Variants in SESN1 observed in about 807,000 individuals in gnomAD.
The protein encoded by SESN1 is sestrin 1, also known as sestrin-1.
In SESN1, 30 loss-of-function variants were observed where a neutral mutation model predicts 59.3. The ratio of observed to expected loss-of-function variants is 0.51; its 90% CI spans 0.38 to 0.69. SESN1 has a LOEUF of 0.69. SESN1 is among the 30% of genes least tolerant of loss of function. The pLI is 0.00. For missense variants in SESN1, 566 were observed against 673.0 expected, an observed-to-expected ratio of 0.84 and a Z score of 1.76; for synonymous variants, 197 against 219.9, an observed-to-expected ratio of 0.90 and a Z score of 0.92.
In SESN1 at chr6:109,060,106, CAT is replaced by C. The variant is rs531857513; in HGVS notation, c.279+33687_279+33688del. On this transcript the variant is annotated intron_variant, in intron 1 of 9. Coordinates refer to ENST00000436639, the MANE Select transcript of SESN1 (RefSeq NM_014454.3). The stretch of plus-strand genomic sequence containing the variant: ...TAACAAACAACAAAAAAGACAAACA[CAT>C]GTGTACACACACGTACACACACACA... Among the ~76,000 whole-genome samples the C allele has an allele frequency of 2.5e-4, 38 of 152,160 alleles. No individual in the cohort carries two copies. The East Asian group carries it at 3.5e-3, about 14-fold the overall frequency.
intron 1 of SESN1, among the ~76,000 whole-genome samples, chr6:109,036,590 G>T (rs1315529088): frequency 1.3e-5 from 2 of 152,174 alleles, no homozygotes; most frequent in African/African-American, 4.8e-5. Flanking sequence ...ACTGTGACAA[G>T]TAGTTCTTAA....
Position 108,998,752 on chromosome 6 carries a change from G to A in SESN1, c.733C>T (p.Leu245Phe). Residue 245 changes from leucine to phenylalanine, a missense_variant, in exon 5 of 10, where the codon CTT (leucine) becomes TTT (phenylalanine). Leu to Phe is a conservative substitution (Grantham distance 22). Coordinates refer to ENST00000436639, the MANE Select transcript of SESN1 (RefSeq NM_014454.3). ...CAGCTGTGCTCTTCAGCTTTTAAAA[G>A]TCCCTTAGGGGGAAAAAAAAAAAGA... ...WLITKEHIEGLLKAEEHSWSL... is the reference protein window; with the variant it reads ...WLITKEHIEGFLKAEEHSWSL... The A allele has an allele frequency of 6.2e-7, 1 of 1,603,280 alleles. No individual in the cohort carries two copies. The highest frequency in any genetic ancestry group is 8.5e-7 in the Non-Finnish European group (1 of 1,173,390).
chr6:109,058,406 C>T (rs1430259630), intron 1 of SESN1, among the ~76,000 whole-genome samples: 1 of 152,152 alleles, frequency 6.6e-6, no homozygotes, highest in Non-Finnish European at 1.5e-5. Flanking sequence ...CTAGGTTATA[C>T]CATATAGCCT....
intron 1 of SESN1, among the ~76,000 whole-genome samples, chr6:109,086,729 A>G (rs147298646): frequency 1.3e-3 from 200 of 151,994 alleles, no homozygotes; most frequent in African/African-American, 4.6e-3. Context: ...TCTTTGTACA[A>G]AATACTATAT....
chr6:108,986,838 C>T lies in SESN1; in HGVS notation c.*706G>A, dbSNP rs1043528717. 2.8e-4 allele frequency: 42 copies of T among 152,190 alleles called. No individual in the cohort carries two copies. Among genetic ancestry groups the T allele is most frequent in the African/African-American group, 9.4e-4 (39 of 41,442 alleles). 9.4% of individuals were successfully genotyped at this position (152,190 alleles called of 1,614,324 possible). A position where few individuals can be genotyped will look rare whatever the true frequency, so the allele number is the denominator to read the frequency against. On this transcript the variant is annotated 3_prime_UTR_variant, in exon 10 of 10. Transcript: ENST00000436639. ...TCGCCAGCTTCTTATAATTTACACA[C>T]TTTCATTTAGGATTGCTTTTTGAAG...
At chr6:108,993,999 G>T (rs1779447793) in intron 6 of SESN1, among the ~76,000 whole-genome samples, 1 of 151,936 alleles carries the variant, frequency 6.6e-6, no homozygotes, top group Non-Finnish European at 1.5e-5. Flanking sequence ...AATTAAGCAG[G>T]CATGGTGGCA....
In SESN1 at chr6:109,071,790, A is replaced by G. The variant is rs1308087768; in HGVS notation, c.279+22005T>C. ...GGCACGAGCTAACATTTAGTCAACAAAAATTTCCCTTTGTTGGTTTAAAAC... is the reference window on the plus strand; with the variant it reads ...GGCACGAGCTAACATTTAGTCAACAGAAATTTCCCTTTGTTGGTTTAAAAC... On this transcript the variant is annotated intron_variant, in intron 1 of 9. Coordinates refer to ENST00000436639, the MANE Select transcript of SESN1 (RefSeq NM_014454.3). 3.9e-5 allele frequency among the ~76,000 whole-genome samples: 6 copies of G among 152,206 alleles called. No homozygotes were observed. The East Asian group carries it at 1.2e-3, about 29-fold the overall frequency.
intron 1 of SESN1, among the ~76,000 whole-genome samples, chr6:109,090,350 G>A (rs1256903302): frequency 6.6e-6 from 1 of 152,034 alleles, no homozygotes; most frequent in South Asian, 2.1e-4. Flanking sequence ...CTTGACCCTT[G>A]AACAACAAGG....
intron 1 of SESN1, among the ~76,000 whole-genome samples, chr6:109,028,587 G>T (rs930070888): frequency 2.0e-5 from 3 of 151,776 alleles, no homozygotes; most frequent in Non-Finnish European, 4.4e-5. Context: ...CAATACTAGG[G>T]GGTAAGACAG....
intron 1 of SESN1, among the ~76,000 whole-genome samples, chr6:109,050,152 A>T (rs1049987081): frequency 6.6e-6 from 1 of 152,186 alleles, no homozygotes; most frequent in African/African-American, 2.4e-5. Flanking sequence ...TTATGGGATG[A>T]CACAATCTTG....
intron 1 of SESN1, chr6:109,090,753 A>T (rs1781300134): frequency 6.6e-6 from 1 of 152,114 alleles, no homozygotes; most frequent in Admixed American, 6.5e-5. Context: ...AGGCAGGCAT[A>T]CTCAAGTGTA....
chr6:109,003,815 C>A (rs1779675103), intron 1 of SESN1, among the ~76,000 whole-genome samples: 1 of 152,156 alleles, frequency 6.6e-6, no homozygotes, highest in Admixed American at 6.5e-5. Flanking sequence ...CTTAGCTTTT[C>A]TAACTGCTGA....
Position 109,094,384 on chromosome 6 carries a change from G to T in SESN1, c.-311C>A, listed in dbSNP as rs1336909848. 2.6e-6 allele frequency: 1 copy of T among 390,564 alleles called. No individual in the cohort carries two copies. The highest frequency in any genetic ancestry group is 2.1e-5 in the African/African-American group (1 of 48,602). 24.2% of individuals were successfully genotyped at this position (390,564 alleles called of 1,614,324 possible). Reference sequence around the variant, plus strand: ...GGGGAAGCGTTCTCCTCCGTCTCGCGGGGTCAGTGGATATCCTCACGTTGT... The same window carrying T: ...GGGGAAGCGTTCTCCTCCGTCTCGCTGGGTCAGTGGATATCCTCACGTTGT... On this transcript the variant is annotated 5_prime_UTR_variant, in exon 1 of 10. Transcript: ENST00000436639.
At chr6:109,012,843 G>C (rs1345579600) in intron 1 of SESN1, among the ~76,000 whole-genome samples, 1 of 152,144 alleles carries the variant, frequency 6.6e-6, no homozygotes. Context: ...GGCCGGGCGT[G>C]GTGGCTTACG....
intron 1 of SESN1, among the ~76,000 whole-genome samples, chr6:109,053,332 C>T (rs778112195): frequency 6.6e-6 from 1 of 152,016 alleles, no homozygotes; most frequent in Non-Finnish European, 1.5e-5. Flanking sequence ...GATGAAAACC[C>T]AAACAATAAG....
chr6:109,062,263 AAG>A (rs1385952972), intron 1 of SESN1, among the ~76,000 whole-genome samples: 15 of 152,258 alleles, frequency 9.9e-5, no homozygotes, highest in Admixed American at 5.9e-4. Context: ...TTAGGTGAAT[AAG>A]AGAGCAGAGG....
At chr6:109,023,942 AT>A (rs956378264) in intron 1 of SESN1, among the ~76,000 whole-genome samples, 1 of 151,606 alleles carries the variant, frequency 6.6e-6, no homozygotes, top group Non-Finnish European at 1.5e-5. Context: ...AGAATGAGTG[AT>A]TTTTTTTTCT....
At chr6:108,995,480 C>CTGCT (rs1562454094) in intron 5 of SESN1, among the ~76,000 whole-genome samples, 7 of 152,214 alleles carry the variant, frequency 4.6e-5, no homozygotes, top group Admixed American at 2.6e-4. Flanking sequence ...CAGTGTCACA[C>CTGCT]ATAGAGTAAT....
At chr6:109,069,639 T>G (rs1321292549) in intron 1 of SESN1, among the ~76,000 whole-genome samples, 1 of 152,028 alleles carries the variant, frequency 6.6e-6, no homozygotes, top group Non-Finnish European at 1.5e-5. Flanking sequence ...ACTCCTGGGT[T>G]CAAGTGATCC....
Sources: allele counts gnomAD v4.1 joint callset (sites outside exome capture counted in the v4.1 genomes callset), GRCh38; gene constraint gnomAD v4.1.1; transcripts MANE v1.5; gene names NCBI Gene and HGNC (gene_info 2026-07-23, HGNC 2026-07-21).